The following ARMH4 variants were observed in gnomAD, a reference collection of about 807,000 sequenced individuals.
The protein encoded by ARMH4 is armadillo-like helical domain-containing protein 4.
ARMH4 carries 49 observed loss-of-function variants against 61.9 expected under a neutral mutation model. That is an observed-to-expected ratio of 0.79 (90% CI 0.63 to 1.00). ARMH4 has a LOEUF of 1.00. Ranked by LOEUF, ARMH4 falls within the 50% of genes least tolerant of loss-of-function variation. The pLI, the probability that ARMH4 is intolerant of heterozygous loss-of-function variation, is 0.00. For missense variants in ARMH4, 934 were observed against 930.0 expected (o/e 1.00, Z -0.06); for synonymous variants, 368 against 341.5 (o/e 1.08, Z -0.85).
rs1887187070 is a variant in ARMH4, at chr14:58,133,301, T to C, written c.1410A>G (p.Pro470=). The C allele has an allele frequency of 3.1e-6, 5 of 1,613,914 alleles. No homozygotes were observed. The highest frequency in any genetic ancestry group is 4.2e-6 in the Non-Finnish European group (5 of 1,180,018). Residue 470 remains proline, a synonymous_variant, in exon 3 of 8, where the codon CCA becomes CCG. Coordinates refer to ENST00000267485, the MANE Select transcript of ARMH4 (RefSeq NM_001001872.4). ...GTGTCACCATGGATAAAGTGGCATC[T>C]GGCTCTTGAACAGCTGTTGTCATCT... is the stretch of plus-strand genomic sequence containing the variant. ...TQEMTTAVQE[P]DATLSMVTQE... is the part of the protein sequence containing the mutation.
intron 5 of ARMH4, among the ~76,000 whole-genome samples, chr14:58,075,814 G>T (rs8007124): frequency 6.6e-6 from 1 of 151,970 alleles, no homozygotes; most frequent in South Asian, 2.1e-4. Flanking sequence ...ATAAACATGC[G>T]TTCAAATCTT....
intron 4 of ARMH4, among the ~76,000 whole-genome samples, chr14:58,098,852 A>C (rs981421170): frequency 1.3e-5 from 2 of 152,100 alleles, no homozygotes; most frequent in Non-Finnish European, 2.9e-5. Context: ...ATTTTTAAAG[A>C]ATGACTCTAG....
chr14:58,074,438 T>C (rs1566568142), intron 5 of ARMH4, among the ~76,000 whole-genome samples: 2 of 151,934 alleles, frequency 1.3e-5, no homozygotes, highest in Admixed American at 6.6e-5. Flanking sequence ...GCTTTGGCAG[T>C]GGATGCAACA....
chr14:58,019,891 A>C (rs1452018050), intron 5 of ARMH4, among the ~76,000 whole-genome samples: 1 of 152,176 alleles, frequency 6.6e-6, no homozygotes. Context: ...AAAGTATCCC[A>C]AACTGTTTAT....
Position 58,135,086 on chromosome 14 carries a change from T to C in ARMH4, c.1370-1745A>G, listed in dbSNP as rs1350490300. Reference sequence around the variant, plus strand: ...TTTGTTTGTTTTTCACTATAAGCAGTTCCTTTTCTTGGTACTCATCCAGTT... The same window carrying C: ...TTTGTTTGTTTTTCACTATAAGCAGCTCCTTTTCTTGGTACTCATCCAGTT... On this transcript the variant is annotated intron_variant, in intron 2 of 7. Coordinates refer to ENST00000267485, the MANE Select transcript of ARMH4 (RefSeq NM_001001872.4). Among the ~76,000 whole-genome samples, 4 of 152,344 alleles carry C rather than the reference T, an allele frequency of 2.6e-5. No homozygotes were observed. In the East Asian group the frequency reaches 5.8e-4, roughly 22 times the overall value.
intron 5 of ARMH4, among the ~76,000 whole-genome samples, chr14:58,013,277 T>C (rs1297659573): frequency 6.6e-6 from 1 of 152,218 alleles, no homozygotes; most frequent in African/African-American, 2.4e-5. Context: ...AGACAATACA[T>C]AAATAAATGG....
chr14:58,032,641 C>T (rs972520049), intron 5 of ARMH4, among the ~76,000 whole-genome samples: 8 of 151,936 alleles, frequency 5.3e-5, no homozygotes, highest in South Asian at 4.2e-4. Flanking sequence ...TCTGAGGTAC[C>T]GGGTTCATCT....
chr14:58,127,975 C>T (rs1886959541), intron 4 of ARMH4, among the ~76,000 whole-genome samples: 1 of 152,206 alleles, frequency 6.6e-6, no homozygotes, highest in African/African-American at 2.4e-5. Context: ...AATAGACCCA[C>T]AGTAGATTTT....
chr14:58,096,144 A>G (rs1470092525), intron 5 of ARMH4, among the ~76,000 whole-genome samples: 1 of 152,166 alleles, frequency 6.6e-6, no homozygotes, highest in Non-Finnish European at 1.5e-5. Flanking sequence ...TGGCCACCCT[A>G]GCTGCTGAAA....
intron 5 of ARMH4, among the ~76,000 whole-genome samples, chr14:58,067,284 G>A (rs1043053727): frequency 4.6e-5 from 7 of 152,180 alleles, no homozygotes; most frequent in Admixed American, 3.9e-4. Flanking sequence ...TCTGTTACAT[G>A]GTAGGTACTG....
At chr14:58,060,434 G>A (rs178492) in intron 5 of ARMH4, among the ~76,000 whole-genome samples, 39,241 of 152,062 alleles carry the variant, frequency 0.26, 6,626 homozygotes, top group East Asian at 0.63. Flanking sequence ...ACCAAAGACT[G>A]GTTAAGATCT....
intron 5 of ARMH4, among the ~76,000 whole-genome samples, chr14:58,089,287 T>C (rs529788324): frequency 1.3e-5 from 2 of 152,362 alleles, no homozygotes; most frequent in South Asian, 2.1e-4. Flanking sequence ...TTCCCACTAT[T>C]TTTTGCAAAG....
rs778037825 is a variant in ARMH4, at chr14:58,139,072, GTTTC to G, written c.283_286del (p.Glu95ProfsTer50). The G allele has an allele frequency of 1.1e-5, 17 of 1,613,950 alleles. No homozygotes were observed. Among genetic ancestry groups the G allele is most frequent in the Non-Finnish European group, 1.4e-5 (16 of 1,179,982 alleles). On this transcript the variant is annotated frameshift_variant, in exon 2 of 8. Transcript: ENST00000267485. LOFTEE classifies it high-confidence loss of function. ...CATGAGCCCAGCTTGTCCAGGCTGG[GTTTC>G]TTTGTTAATCGAGAATGCTTTATTT... is the stretch of plus-strand genomic sequence containing the variant.
intron 5 of ARMH4, among the ~76,000 whole-genome samples, chr14:58,046,194 C>T (rs575802305): frequency 3.9e-5 from 6 of 152,244 alleles, no homozygotes; most frequent in South Asian, 2.1e-4. Flanking sequence ...GTAAATCCCA[C>T]GGTAATGGAC....
At chr14:58,146,969 G>T (rs1268960954) in intron 1 of ARMH4, among the ~76,000 whole-genome samples, 1 of 152,072 alleles carries the variant, frequency 6.6e-6, no homozygotes, top group East Asian at 1.9e-4. Context: ...CAAGAAACTG[G>T]TGACAGTTCG....
At chr14:58,093,264 T>C (rs919152335) in intron 5 of ARMH4, among the ~76,000 whole-genome samples, 3 of 152,154 alleles carry the variant, frequency 2.0e-5, no homozygotes, top group Admixed American at 6.5e-5. Flanking sequence ...CATAGCAGCA[T>C]GACAACAAAC....
At chr14:58,008,291 A>G (rs1263128085) in intron 6 of ARMH4, among the ~76,000 whole-genome samples, 1 of 152,232 alleles carries the variant, frequency 6.6e-6, no homozygotes, top group Non-Finnish European at 1.5e-5. Flanking sequence ...GATAAAGCAC[A>G]TGGGGTAAAA....
chr14:58,090,961 A>C (rs889410855), intron 5 of ARMH4, among the ~76,000 whole-genome samples: 1 of 151,882 alleles, frequency 6.6e-6, no homozygotes, highest in Non-Finnish European at 1.5e-5. Context: ...CATGCCTGTA[A>C]TCCCAGCACT....
intron 5 of ARMH4, among the ~76,000 whole-genome samples, chr14:58,024,244 C>T (rs964140701): frequency 1.3e-5 from 2 of 152,162 alleles, no homozygotes; most frequent in African/African-American, 2.4e-5. Context: ...TTAGTGTATC[C>T]ACCTTCATCA....
Sources: gnomAD v4.1 joint callset for allele counts (sites outside exome capture counted in the v4.1 genomes callset) on GRCh38, gnomAD v4.1.1 for gene constraint, MANE v1.5 for transcripts, NCBI Gene and HGNC (gene_info 2026-07-23, HGNC 2026-07-21) for gene names.